KDM4F: variants seen among roughly 807,000 people sequenced by gnomAD.
KDM4F encodes the protein probable lysine-specific demethylase 4F.
For missense variants in KDM4F, 586 were observed against 496.4 expected (o/e 1.18, Z -1.71); for synonymous variants, 223 against 184.4 (o/e 1.21, Z -1.70).
At chr11:95,049,485 A>G (rs546005677) in exon 1 of KDM4F, 11 of 1,557,688 alleles carry the variant, frequency 7.1e-6, no homozygotes, top group Middle Eastern at 1.7e-4. Context: ...TTACCCAACC[A>G]TGGAAGAATT....
At chr11:95,050,697 C>G (rs557424086) in exon 1 of KDM4F, 1 of 627,926 alleles carries the variant, frequency 1.6e-6, no homozygotes, top group Non-Finnish European at 2.8e-6. Flanking sequence ...AAGGTGGGGT[C>G]CTTGTCGTGG....
the KDM4F span, chr11:95,051,190 AGTTTTCCAGGATCTCCTGGGCCCCT>A: frequency 1.0e-5 from 4 of 398,776 alleles, no homozygotes; most frequent in Non-Finnish European, 1.8e-5. Context: ...GTCCCAACTA[AGTTTTCCAGGATCTCCTGGGCCCCT>A]GACTCATCTG....
exon 1 of KDM4F, chr11:95,050,272 T>C (rs953859248): frequency 2.7e-6 from 4 of 1,503,162 alleles, no homozygotes; most frequent in Non-Finnish European, 3.7e-6. Context: ...AATCACGGCT[T>C]CAACTGCGCA....
At chr11:95,050,728 G>A (rs1169564036) in exon 1 of KDM4F, 18 of 641,800 alleles carry the variant, frequency 2.8e-5, no homozygotes, top group East Asian at 5.4e-5. Context: ...GGTCGAGGTC[G>A]TGGTCGAGGC....
exon 1 of KDM4F, chr11:95,049,663 G>A: frequency 6.2e-7 from 1 of 1,600,234 alleles, no homozygotes. Flanking sequence ...GGGCAGGGAG[G>A]TGTGTTTACT....
At position 95,049,928 on chromosome 11, in the gene KDM4F, C is replaced by G; in HGVS notation, c.507C>G (p.Ile169Met). 3.1e-6 allele frequency: 5 copies of G among 1,613,214 alleles called. No homozygotes were observed. In the South Asian group the frequency reaches 5.5e-5, roughly 18 times the overall value. The stretch of plus-strand genomic sequence containing the variant: ...TGGAGCAGGAATGTGGGGTTGTCAT[C>G]GAGGGTGTCAACACACCCTACCTGT... Residue 169 changes from isoleucine to methionine, a missense_variant, in exon 1 of 1, where the codon ATC (isoleucine) becomes ATG (methionine). Coordinates refer to ENST00000545950, the Ensembl canonical transcript of KDM4F.
Position 95,050,601 on chromosome 11 carries a change from C to A in KDM4F, c.1180C>A (p.Pro394Thr). 3 of 650,076 alleles carry A rather than the reference C, an allele frequency of 4.6e-6. No homozygotes were observed. The South Asian group carries it at 5.3e-5, about 11-fold the overall frequency. The allele number at this position is 650,076 out of a possible 1,614,324, so 40.3% of individuals were successfully genotyped here. ...TGTGGCCCCAAGGCTCTGTTACAAC[C>A]CAAAGGGCGGTGGTACCGATGCTGT... is the stretch of plus-strand genomic sequence containing the variant. Residue 394 changes from proline to threonine, a missense_variant, in exon 1 of 1, where the codon CCA becomes ACA. Transcript: ENST00000545950.
chr11:95,050,165 T>C, exon 1 of KDM4F: 1 of 1,547,492 alleles, frequency 6.5e-7, no homozygotes, highest in Non-Finnish European at 8.9e-7. Flanking sequence ...TCATCTCGCC[T>C]ACAGTTCTCA....
chr11:95,050,799 AG>A, the KDM4F span: 1 of 614,590 alleles, frequency 1.6e-6, no homozygotes, highest in South Asian at 2.0e-5. Flanking sequence ...TGCAGCTAAG[AG>A]GCGCCTCTCA....
At chr11:95,049,854 A>T in exon 1 of KDM4F, 1 of 1,606,074 alleles carries the variant, frequency 6.2e-7, no homozygotes, top group Non-Finnish European at 8.5e-7. Flanking sequence ...ATTTGAAGAA[A>T]GCACTAAACA....
chr11:95,049,742 T>G, the KDM4F span: 2 of 1,605,262 alleles, frequency 1.2e-6, no homozygotes, highest in Non-Finnish European at 1.7e-6. Flanking sequence ...GTAAAAAATA[T>G]CAGACTCCGC....
At chr11:95,050,182 A>G in exon 1 of KDM4F, 1 of 1,547,062 alleles carries the variant, frequency 6.5e-7, no homozygotes, top group African/African-American at 1.4e-5. Context: ...CTCAAAAAGA[A>G]TGGGATCCCC....
exon 1 of KDM4F, chr11:95,050,001 G>A (rs1858494972): frequency 1.2e-6 from 2 of 1,614,162 alleles, no homozygotes; most frequent in Non-Finnish European, 1.7e-6. Context: ...GGAGGACATG[G>A]ACCTTTACAG....
exon 1 of KDM4F, chr11:95,050,366 C>T (rs1211460231): frequency 8.6e-6 from 9 of 1,051,500 alleles, no homozygotes; most frequent in Admixed American, 1.7e-5. Context: ...CGAGAGTGAC[C>T]TTTTCCATGG....
exon 1 of KDM4F, chr11:95,049,979 T>G: frequency 6.2e-7 from 1 of 1,614,234 alleles, no homozygotes; most frequent in Non-Finnish European, 8.5e-7. Context: ...AGACCACGTT[T>G]GCTTGGCACA....
rs1858489848 is a variant in KDM4F at position 95,049,549 on chromosome 11, C to T, written c.128C>T (p.Ala43Val). The stretch of plus-strand genomic sequence containing the variant: ...ATGGAGTCCCAAGGCGCACACCGAG[C>T]TGGCCTCGCCAAGGTAATTCCACCC... The change falls in exon 1 of 1, where the codon GCT (alanine) becomes GTT (valine). Residue 43 changes from alanine (A) to valine (V), a missense_variant. By Grantham distance (64) the Ala-to-Val change is moderately conservative (BLOSUM62 0). Transcript: ENST00000545950. The T allele has an allele frequency of 2.5e-6, 4 of 1,596,022 alleles. No individual in the cohort carries two copies. In the South Asian group the frequency reaches 3.3e-5, roughly 13 times the overall value.
At chr11:95,049,827 G>A (rs1858493009) in exon 1 of KDM4F, 3 of 1,596,430 alleles carry the variant, frequency 1.9e-6, no homozygotes, top group African/African-American at 1.3e-5. Flanking sequence ...TTATGGTGCT[G>A]ATATCAGCGG....
chr11:95,050,243 T>G, the KDM4F span: 1 of 1,546,112 alleles, frequency 6.5e-7, no homozygotes, highest in Non-Finnish European at 8.9e-7. Context: ...CTTTTCCCTA[T>G]GGCTACCATG....
exon 1 of KDM4F, chr11:95,049,733 T>C (rs1437676078): frequency 6.2e-7 from 1 of 1,605,098 alleles, no homozygotes; most frequent in Non-Finnish European, 8.5e-7. Context: ...TGGCAAACAG[T>C]AAAAAATATC....
Sources: allele counts gnomAD v4.1 joint callset, GRCh38; gene constraint gnomAD v4.1.1; transcripts MANE v1.5; gene names NCBI Gene and HGNC (gene_info 2026-07-23, HGNC 2026-07-21).